Variants in ATRNL1 observed in about 807,000 individuals in gnomAD.
ATRNL1 encodes attractin-like protein 1.
ATRNL1 carries 95 observed loss-of-function variants against 182.7 expected under a neutral mutation model. That is an observed-to-expected ratio of 0.52 (90% confidence interval 0.44 to 0.62). The LOEUF is 0.62. Among genes scored for constraint, ATRNL1 ranks in the 20% least tolerant of loss-of-function variants. The probability of loss-of-function intolerance (pLI) is 0.00; values close to 1 mark genes in which losing one functional copy is unlikely to be tolerated. For synonymous variants in ATRNL1, 576 were observed against 568.3 expected (o/e 1.01, Z -0.19); for missense variants, 1,471 against 1,679.5 (o/e 0.88, Z 2.17).
chr10:115,235,188 T>A (rs1850127112), intron 9 of ATRNL1, among the ~76,000 whole-genome samples: 1 of 152,208 alleles, frequency 6.6e-6, no homozygotes, highest in South Asian at 2.1e-4. Flanking sequence ...CATATTCTTC[T>A]CCCATGGCTG....
chr10:115,331,759 A>G (rs1315515886), intron 18 of ATRNL1, among the ~76,000 whole-genome samples: 2 of 151,910 alleles, frequency 1.3e-5, no homozygotes, highest in Admixed American at 6.6e-5. Context: ...TGACTCTTGT[A>G]TTTCATTTTA....
chr10:115,332,922 T>G (rs1855299141), intron 18 of ATRNL1, among the ~76,000 whole-genome samples: 1 of 152,196 alleles, frequency 6.6e-6, no homozygotes, highest in Non-Finnish European at 1.5e-5. Context: ...TTCTCCATCT[T>G]AGAATCAGTC....
intron 28 of ATRNL1, among the ~76,000 whole-genome samples, chr10:115,878,888 A>G (rs1951758881): frequency 6.6e-6 from 1 of 152,172 alleles, no homozygotes; most frequent in African/African-American, 2.4e-5. Flanking sequence ...TGATTGGAGA[A>G]TTGAGAGATT....
At chr10:115,277,205 A>G (rs989822519) in intron 13 of ATRNL1, among the ~76,000 whole-genome samples, 1 of 152,164 alleles carries the variant, frequency 6.6e-6, no homozygotes, top group South Asian at 2.1e-4. Context: ...TCTAATGAAA[A>G]TGAAGTGGTT....
At chr10:115,780,540 A>G (rs545396041) in intron 27 of ATRNL1, among the ~76,000 whole-genome samples, 1 of 152,230 alleles carries the variant, frequency 6.6e-6, no homozygotes, top group African/African-American at 2.4e-5. Flanking sequence ...TCATGGCAAC[A>G]AAAGTGACTC....
At chr10:115,231,907 G>T (rs1849968753) in intron 9 of ATRNL1, among the ~76,000 whole-genome samples, 1 of 152,086 alleles carries the variant, frequency 6.6e-6, no homozygotes, top group African/African-American at 2.4e-5. Context: ...AATCATTTAG[G>T]AGGGAGGGAG....
At chr10:115,594,104 A>G (rs1173430175) in intron 26 of ATRNL1, among the ~76,000 whole-genome samples, 1 of 152,110 alleles carries the variant, frequency 6.6e-6, no homozygotes, top group Non-Finnish European at 1.5e-5. Flanking sequence ...AAATAAAACT[A>G]TACTTTCGTA....
intron 27 of ATRNL1, among the ~76,000 whole-genome samples, chr10:115,760,011 A>G (rs942731824): frequency 6.6e-6 from 1 of 151,670 alleles, no homozygotes; most frequent in African/African-American, 2.4e-5. Flanking sequence ...AAAACTTTCT[A>G]ATTGTGAACA....
At chr10:115,441,983 G>A (rs1444054756) in intron 21 of ATRNL1, among the ~76,000 whole-genome samples, 1 of 151,908 alleles carries the variant, frequency 6.6e-6, no homozygotes, top group East Asian at 1.9e-4. Context: ...CCCTGTCCAA[G>A]GCACTGTCAT....
chr10:115,936,250 A>G (rs1953554652), intron 28 of ATRNL1, among the ~76,000 whole-genome samples: 1 of 152,192 alleles, frequency 6.6e-6, no homozygotes, highest in Admixed American at 6.5e-5. Flanking sequence ...TTGAACTCTT[A>G]TATACCAGGC....
intron 20 of ATRNL1, among the ~76,000 whole-genome samples, chr10:115,414,403 C>CT (rs1224346693): frequency 2.6e-5 from 4 of 151,552 alleles, no homozygotes; most frequent in African/African-American, 9.7e-5. Flanking sequence ...TATTTCCCTC[C>CT]TTTTTTACTT....
chr10:115,585,841 C>T (rs1855475762), intron 26 of ATRNL1, among the ~76,000 whole-genome samples: 1 of 59,214 alleles, frequency 1.7e-5, no homozygotes, highest in Non-Finnish European at 3.7e-5. Context: ...GCAGTTTCTT[C>T]CTAGTCTCGA....
intron 19 of ATRNL1, among the ~76,000 whole-genome samples, chr10:115,374,218 T>C (rs1554948858): frequency 6.6e-6 from 1 of 151,878 alleles, no homozygotes; most frequent in Non-Finnish European, 1.5e-5. Context: ...TTAATTTTCT[T>C]TATATGAATC....
Position 115,276,931 on chromosome 10 carries a change from T to C in ATRNL1, c.2101-4424T>C, listed in dbSNP as rs868978338. Among the ~76,000 whole-genome samples the C allele has an allele frequency of 3.3e-4, 50 of 152,268 alleles. 2 individuals carry two copies. Among genetic ancestry groups the C allele is most frequent in the Middle Eastern group, 3.4e-3 (1 of 294 alleles). ...ATGAAGAGCAGTAGAGTTATTTGGATGGAGACTCTGTTACCATTGTTATTC... is the reference window on the plus strand; with the variant it reads ...ATGAAGAGCAGTAGAGTTATTTGGACGGAGACTCTGTTACCATTGTTATTC... On this transcript the variant is annotated intron_variant, in intron 13 of 28. Coordinates refer to ENST00000355044, the MANE Select transcript of ATRNL1 (RefSeq NM_207303.4).
intron 23 of ATRNL1, 36 bp downstream of exon 23, chr10:115,467,288 T>C (rs1554971045): frequency 1.4e-6 from 2 of 1,421,824 alleles, no homozygotes; most frequent in Admixed American, 1.9e-5. Context: ...CTTTTACATG[T>C]GTTCCTATCT....
At chr10:115,756,741 T>C (rs907748515) in intron 27 of ATRNL1, among the ~76,000 whole-genome samples, 21 of 152,200 alleles carry the variant, frequency 1.4e-4, no homozygotes, top group Non-Finnish European at 3.1e-4. Context: ...CTCGTTGATC[T>C]GTCTAATGTT....
chr10:115,559,800 C>A (rs1046663555), intron 26 of ATRNL1, among the ~76,000 whole-genome samples: 1 of 152,156 alleles, frequency 6.6e-6, no homozygotes, highest in East Asian at 1.9e-4. Context: ...TCATACTTAA[C>A]TTTTTTTAAA....
intron 28 of ATRNL1, among the ~76,000 whole-genome samples, chr10:115,876,670 G>T (rs1951707915): frequency 6.6e-6 from 1 of 152,176 alleles, no homozygotes; most frequent in Non-Finnish European, 1.5e-5. Context: ...AATGATTACT[G>T]TATAATTATA....
chr10:115,924,517 A>G (rs1555119474), intron 28 of ATRNL1, among the ~76,000 whole-genome samples: 2 of 152,206 alleles, frequency 1.3e-5, no homozygotes, highest in African/African-American at 2.4e-5. Flanking sequence ...GCCTTTCCCC[A>G]TTGCCTGTTT....
Sources: gnomAD v4.1 joint callset for allele counts (sites outside exome capture counted in the v4.1 genomes callset) on GRCh38, gnomAD v4.1.1 for gene constraint, MANE v1.5 for transcripts, NCBI Gene and HGNC (gene_info 2026-07-23, HGNC 2026-07-21) for gene names.